The following PCF11 variants were observed in gnomAD, a reference collection of about 807,000 sequenced individuals.
The protein encoded by PCF11 is PCF11 cleavage and polyadenylation factor subunit, also known as pre-mRNA cleavage complex 2 protein Pcf11.
Under a neutral mutation model 166.1 loss-of-function variants are expected in PCF11, and 19 were observed. That is an observed-to-expected ratio of 0.11 (90% confidence interval 0.08 to 0.17). The LOEUF (loss-of-function observed/expected upper bound fraction) is 0.17, where lower values mean the gene tolerates loss of function less well. Ranked by LOEUF, PCF11 falls within the 10% of genes least tolerant of loss-of-function variation. PCF11 has a pLI of 1.00. For missense variants in PCF11, 1,565 were observed against 1,855.5 expected (o/e 0.84, Z 2.88); for synonymous variants, 663 against 644.1 (o/e 1.03, Z -0.44).
At chr11:83,171,497 G>C (rs1860688964) in intron 8 of PCF11, among the ~76,000 whole-genome samples, 1 of 152,224 alleles carries the variant, frequency 6.6e-6, no homozygotes, top group Admixed American at 6.5e-5. Flanking sequence ...AACACAGCTA[G>C]TTACCTTATA....
chr11:83,172,235 C>CA (rs1333976010), intron 9 of PCF11, among the ~76,000 whole-genome samples: 2 of 152,070 alleles, frequency 1.3e-5, no homozygotes, highest in Non-Finnish European at 1.5e-5. Context: ...AAATAAATGA[C>CA]AGACCTTAGA....
At chr11:83,169,881 T>A (rs530981636) in exon 8 of PCF11, 2 of 1,613,248 alleles carry the variant, frequency 1.2e-6, no homozygotes, top group Non-Finnish European at 1.7e-6. Flanking sequence ...CTAATCCACT[T>A]AACAGAGCTT....
chr11:83,160,900 A>G (rs894302366), intron 1 of PCF11, among the ~76,000 whole-genome samples: 3 of 152,252 alleles, frequency 2.0e-5, no homozygotes, highest in Admixed American at 6.5e-5. Flanking sequence ...AAATATGCCC[A>G]TGGAAATTAG....
chr11:83,172,529 T>G (rs1475241397), intron 9 of PCF11, among the ~76,000 whole-genome samples: 3 of 152,112 alleles, frequency 2.0e-5, no homozygotes, highest in African/African-American at 7.2e-5. Flanking sequence ...TTCAAGCGAT[T>G]CTCCTGTCTC....
At chr11:83,157,213 A>G (rs1860021159) in exon 1 of PCF11, 3 of 584,586 alleles carry the variant, frequency 5.1e-6, no homozygotes, top group Non-Finnish European at 9.2e-6. Flanking sequence ...GTGGAGAAAG[A>G]AGCTTCTGTG....
chr11:83,169,020 T>A, exon 8 of PCF11: 2 of 1,613,798 alleles, frequency 1.2e-6, no homozygotes, highest in Non-Finnish European at 8.5e-7. Flanking sequence ...AGGGACCTCA[T>A]GGTCAGCCTG....
rs781142830 is a variant in PCF11 at position 83,166,208 on chromosome 11, A to G, written c.1311A>G (p.Ser437=). The change falls in exon 5 of 16, where the codon TCA becomes TCG. Residue 437 remains serine (S), a synonymous_variant. Coordinates refer to ENST00000298281, the Ensembl canonical transcript of PCF11. ...AGGATAAAGATGAGCACATGAAGTC[A>G]TCCGAACACAGACTGGCTGGAAGTA... is the stretch of plus-strand genomic sequence containing the variant. The G allele has an allele frequency of 2.5e-6, 4 of 1,612,794 alleles. No homozygotes were observed. The African/African-American group carries it at 4.0e-5, about 16-fold the overall frequency.
intron 7 of PCF11, 140 bp from the exon 8 acceptor site, chr11:83,168,288 T>A: frequency 1.3e-6 from 1 of 778,834 alleles, no homozygotes; most frequent in Non-Finnish European, 2.0e-6. Flanking sequence ...GAGGGCATCC[T>A]CTTATCTGCT....
At position 83,164,447 on chromosome 11, in the gene PCF11, C is replaced by A. The variant is rs777924057; in HGVS notation, c.702+46C>A. On this transcript the variant is annotated intron_variant, in intron 4 of 15. Transcript: ENST00000298281. Reference sequence around the variant, plus strand: ...TTTTAAATATTTTAAACCTGTCTAACAATAGGGAAGTAATGTTTATGTTTG... The same window carrying A: ...TTTTAAATATTTTAAACCTGTCTAAAAATAGGGAAGTAATGTTTATGTTTG... 5 of 1,364,300 alleles carry A rather than the reference C, an allele frequency of 3.7e-6. No individual in the cohort carries two copies. In the South Asian group the frequency reaches 5.2e-5, roughly 14 times the overall value. 84.5% of individuals were successfully genotyped at this position (1,364,300 alleles called of 1,614,324 possible). A position where few individuals can be genotyped will look rare whatever the true frequency, so the allele number is the denominator to read the frequency against.
At chr11:83,157,744 C>A in intron 1 of PCF11, 113 bp downstream of exon 1, 1 of 888,390 alleles carries the variant, frequency 1.1e-6, no homozygotes, top group Non-Finnish European at 1.8e-6. Flanking sequence ...TTCTCTCCAA[C>A]CCCCCCACCC....
chr11:83,176,052 G>GGT lies in PCF11; in HGVS notation c.3758-1032_3758-1031dup, dbSNP rs149644111. Among the ~76,000 whole-genome samples the GGT allele has an allele frequency of 5.1e-3, 771 of 152,300 alleles. 5 individuals carry two copies. The highest frequency in any genetic ancestry group is 0.018 in the African/African-American group (734 of 41,560). The stretch of plus-strand genomic sequence containing the variant: ...TTCCTGTTACGTCAGGGAGCATTGA[G>GGT]GTCAGGAGTACTTCCACTTAGGCTT... On this transcript the variant is annotated intron_variant, in intron 9 of 15. Transcript: ENST00000298281.
At chr11:83,159,462 G>A (rs1860143324) in intron 1 of PCF11, among the ~76,000 whole-genome samples, 1 of 152,084 alleles carries the variant, frequency 6.6e-6, no homozygotes, top group Non-Finnish European at 1.5e-5. Flanking sequence ...AACCTTGCTG[G>A]TTTTTAATGG....
At chr11:83,165,983 T>TAAATCG (rs758555602) in exon 5 of PCF11, 29 of 1,598,124 alleles carry the variant, frequency 1.8e-5, no homozygotes, top group East Asian at 1.8e-4. Context: ...AATTAGATTC[T>TAAATCG]AAATCGAAAT....
intron 2 of PCF11, among the ~76,000 whole-genome samples, chr11:83,163,059 C>G (rs1395584170): frequency 2.0e-5 from 3 of 152,204 alleles, no homozygotes; most frequent in Non-Finnish European, 4.4e-5. Flanking sequence ...GCGTGAGCCA[C>G]CGTGCCTGGC....
At chr11:83,171,979 T>C in intron 9 of PCF11, 65 bp downstream of exon 9, 1 of 796,532 alleles carries the variant, frequency 1.3e-6, no homozygotes, top group South Asian at 1.5e-5. Context: ...AATAGCTAAC[T>C]TTGTGAATTT....
exon 1 of PCF11, chr11:83,157,292 G>A (rs1187113135): frequency 1.8e-5 from 12 of 682,394 alleles, no homozygotes; most frequent in Non-Finnish European, 2.4e-5. Flanking sequence ...CCCCTGTGTC[G>A]TCCCCCATCC....
At position 83,167,025 on chromosome 11, in the gene PCF11, G is replaced by C. The variant is rs1860488959; in HGVS notation, c.1818-100G>C. 1.1e-6 allele frequency: 1 copy of C among 923,220 alleles called. No individual in the cohort carries two copies. Among genetic ancestry groups the C allele is most frequent in the Non-Finnish European group, 1.7e-6 (1 of 605,318 alleles). 57.2% of individuals were successfully genotyped at this position (923,220 alleles called of 1,614,324 possible). A position where few individuals can be genotyped will look rare whatever the true frequency, so the allele number is the denominator to read the frequency against. The stretch of plus-strand genomic sequence containing the variant: ...TTAATTACTTTTTGTGGTTACATAT[G>C]CCCATTTTAACCATATCCTTTGAAA... On this transcript the variant is annotated intron_variant, in intron 5 of 15. Coordinates refer to ENST00000298281, the Ensembl canonical transcript of PCF11. This position sits in a 1 kb window ranked among gnomAD's most constrained non-coding sequence, Gnocchi z 4.2.
intron 10 of PCF11, 29 bp from the exon 11 acceptor site, chr11:83,177,685 G>A (rs1240370529): frequency 8.1e-7 from 1 of 1,227,090 alleles, no homozygotes; most frequent in Admixed American, 2.1e-5. Flanking sequence ...ATGGTATTAA[G>A]AAATTTGTAT....
intron 7 of PCF11, 30 bp from the exon 8 acceptor site, chr11:83,168,398 A>C (rs1406934262): frequency 1.3e-6 from 2 of 1,525,584 alleles, no homozygotes; most frequent in Non-Finnish European, 1.8e-6. Flanking sequence ...AGATAACTTT[A>C]GTGAAAATAA....
Sources: allele counts gnomAD v4.1 joint callset (sites outside exome capture counted in the v4.1 genomes callset), GRCh38; gene constraint gnomAD v4.1.1; non-coding constraint Gnocchi (gnomAD v3.1); transcripts MANE v1.5; gene names NCBI Gene and HGNC (gene_info 2026-07-23, HGNC 2026-07-21).